Variants in RAB10 observed in about 807,000 individuals in gnomAD.
RAB10 encodes RAB10, member RAS oncogene family.
A neutral mutation model predicts 25.7 loss-of-function variants in RAB10; 5 were observed. That is an observed-to-expected ratio of 0.19 (90% CI 0.10 to 0.41). The LOEUF is 0.41. Ranked by LOEUF, RAB10 falls within the 10% of genes least tolerant of loss-of-function variation. The pLI is 1.00. For missense variants in RAB10, 103 were observed against 245.8 expected (o/e 0.42, Z 3.89); for synonymous variants, 89 against 86.4 (o/e 1.03, Z -0.16).
At chr2:26,036,875 C>G (rs529951728) in intron 1 of RAB10, among the ~76,000 whole-genome samples, 1 of 151,898 alleles carries the variant, frequency 6.6e-6, no homozygotes, top group East Asian at 2.0e-4. Context: ...CTGCAACCTC[C>G]GCCTCAGGGG....
At chr2:26,101,094 CA>C (rs1225933990) in intron 2 of RAB10, among the ~76,000 whole-genome samples, 3 of 152,044 alleles carry the variant, frequency 2.0e-5, no homozygotes, top group Non-Finnish European at 4.4e-5. Context: ...AGTAAGCAAC[CA>C]AAGTCATTTA....
chr2:26,074,445 A>G (rs184057571), intron 1 of RAB10, among the ~76,000 whole-genome samples: 95 of 151,994 alleles, frequency 6.3e-4, no homozygotes, highest in African/African-American at 2.3e-3. Flanking sequence ...TGAGATGGAG[A>G]TTCACTCTTG....
At chr2:26,090,623 T>A (rs1253840609) in intron 1 of RAB10, among the ~76,000 whole-genome samples, 2 of 152,208 alleles carry the variant, frequency 1.3e-5, no homozygotes, top group African/African-American at 4.8e-5. Context: ...CTGTTAACTT[T>A]TTTTTTTCCC....
At position 26,098,684 on chromosome 2, in the gene RAB10, A is replaced by G. The variant is rs779237930; in HGVS notation, c.150A>G (p.Thr50=). The change falls in exon 2 of 6, where the codon ACA becomes ACG. Residue 50 remains threonine, a synonymous_variant. Transcript: ENST00000264710. ...STIGIDFKIK[T]VELQGKKIKL... is the part of the protein sequence containing the mutation. ...TAGGAATAGACTTCAAGATCAAAAC[A>G]GTTGAATTACAAGGAAAGAAGATCA... 1.3e-6 allele frequency: 2 copies of G among 1,593,290 alleles called. No homozygotes were observed. Among genetic ancestry groups the G allele is most frequent in the Non-Finnish European group, 8.6e-7 (1 of 1,162,420 alleles).
chr2:26,132,957 A>C (rs1042372820), intron 5 of RAB10, among the ~76,000 whole-genome samples: 3 of 151,156 alleles, frequency 2.0e-5, no homozygotes, highest in African/African-American at 7.3e-5. Flanking sequence ...TCTTCTTTAC[A>C]TTTTTCTCAA....
chr2:26,124,389 C>CTTTTT (rs10669615), intron 3 of RAB10, among the ~76,000 whole-genome samples: 777 of 19,596 alleles, frequency 0.04, 256 homozygotes, highest in South Asian at 0.051. Context: ...GTTGTTGTTG[C>CTTTTT]TTTTTTTTTT....
intron 5 of RAB10, among the ~76,000 whole-genome samples, chr2:26,130,581 C>A (rs1418928223): frequency 6.6e-6 from 1 of 151,900 alleles, no homozygotes; most frequent in Non-Finnish European, 1.5e-5. Flanking sequence ...GTAGCTAGGA[C>A]CACGAGGACA....
rs147862296 is a variant in RAB10, at chr2:26,127,685, C to T, written c.418-165C>T. On this transcript the variant is annotated intron_variant, in intron 4 of 5. Transcript: ENST00000264710. ...CTTTTGGGGTAAGGAGATTACTTTT[C>T]TTTTGTTTGTTTTATGAAAGAGCTT... 5.8e-3 allele frequency among the ~76,000 whole-genome samples: 889 copies of T among 152,170 alleles called. 3 individuals carry two copies. Among genetic ancestry groups the T allele is most frequent in the Middle Eastern group, 0.051 (15 of 294 alleles).
At chr2:26,068,049 A>G (rs868532028) in intron 1 of RAB10, among the ~76,000 whole-genome samples, 4 of 152,196 alleles carry the variant, frequency 2.6e-5, no homozygotes, top group South Asian at 2.1e-4. Context: ...TAATTAATCT[A>G]TTTCAGAGGA....
intron 3 of RAB10, among the ~76,000 whole-genome samples, chr2:26,113,547 C>T (rs1667623551): frequency 6.8e-6 from 1 of 148,040 alleles, no homozygotes; most frequent in Admixed American, 6.8e-5. Flanking sequence ...GTGCTCCAGC[C>T]TGGGCGACAG....
chr2:26,036,876 G>A (rs747891966), intron 1 of RAB10, among the ~76,000 whole-genome samples: 7 of 151,820 alleles, frequency 4.6e-5, no homozygotes, highest in African/African-American at 1.2e-4. Context: ...TGCAACCTCC[G>A]CCTCAGGGGT....
At chr2:26,076,804 C>T (rs1393179922) in intron 1 of RAB10, among the ~76,000 whole-genome samples, 1 of 151,594 alleles carries the variant, frequency 6.6e-6, no homozygotes, top group South Asian at 2.1e-4. Flanking sequence ...ATTAGCTGGG[C>T]GTGGTGGCAG....
rs551290334 is a variant in RAB10 at position 26,131,594 on chromosome 2, G to GA, written c.520-3335dup. ...TCTTGCTTCAAACATTTTAAAAGGA[G>GA]AAAAAAAAAGGATACAGAAATTTCC... On this transcript the variant is annotated intron_variant, in intron 5 of 5. Transcript: ENST00000264710. Among the ~76,000 whole-genome samples the GA allele has an allele frequency of 2.8e-3, 424 of 150,668 alleles. 1 individual carries two copies. The highest frequency in any genetic ancestry group is 9.9e-3 in the African/African-American group (409 of 41,136).
At chr2:26,055,093 A>T (rs920778374) in intron 1 of RAB10, among the ~76,000 whole-genome samples, 7 of 151,722 alleles carry the variant, frequency 4.6e-5, no homozygotes, top group Non-Finnish European at 8.8e-5. Context: ...GAAAAAAAAA[A>T]TTGAGGCTTT....
chr2:26,059,079 T>C (rs1275203785), intron 1 of RAB10, among the ~76,000 whole-genome samples: 1 of 152,208 alleles, frequency 6.6e-6, no homozygotes, highest in East Asian at 1.9e-4. Context: ...ATAGACCACA[T>C]TTAACAGTTC....
intron 1 of RAB10, among the ~76,000 whole-genome samples, chr2:26,055,705 AGT>A (rs1666247022): frequency 6.6e-6 from 1 of 151,246 alleles, no homozygotes; most frequent in Non-Finnish European, 1.5e-5. Flanking sequence ...TTGTGTTTGT[AGT>A]AGAGATGGGG....
chr2:26,062,505 C>A (rs1175908175), intron 1 of RAB10, among the ~76,000 whole-genome samples: 1 of 151,800 alleles, frequency 6.6e-6, no homozygotes, highest in Admixed American at 6.6e-5. Context: ...TGGTGAGACC[C>A]CAACTCTACT....
chr2:26,054,280 C>T (rs1327370739), intron 1 of RAB10, among the ~76,000 whole-genome samples: 1 of 151,982 alleles, frequency 6.6e-6, no homozygotes, highest in Non-Finnish European at 1.5e-5. Context: ...TCTCAAACTC[C>T]TGACCTCAGG....
At chr2:26,043,007 G>C (rs1433121527) in intron 1 of RAB10, among the ~76,000 whole-genome samples, 1 of 152,174 alleles carries the variant, frequency 6.6e-6, no homozygotes, top group East Asian at 1.9e-4. Flanking sequence ...TGCATTGCTG[G>C]TGGGAATGTG....
Sources: allele counts gnomAD v4.1 joint callset (sites outside exome capture counted in the v4.1 genomes callset), GRCh38; gene constraint gnomAD v4.1.1; transcripts MANE v1.5; gene names NCBI Gene and HGNC (gene_info 2026-07-23, HGNC 2026-07-21).